JPH3: variants seen among roughly 807,000 people sequenced by gnomAD.
JPH3 encodes the protein junctophilin-3.
In JPH3, 11 loss-of-function variants were observed where a neutral mutation model predicts 59.6. The ratio of observed to expected loss-of-function variants is 0.18; its 90% CI spans 0.12 to 0.31. The LOEUF (loss-of-function observed/expected upper bound fraction) is 0.31. Ranked by LOEUF, JPH3 falls within the 10% of genes least tolerant of loss-of-function variation. JPH3 has a pLI of 1.00. For missense variants in JPH3, 1,202 were observed against 1,105.7 expected (o/e 1.09, Z -1.24); for synonymous variants, 673 against 483.6 (o/e 1.39, Z -5.14).
At chr16:87,677,210 A>ACACACG (rs1479940526) in intron 2 of JPH3, among the ~76,000 whole-genome samples, 2 of 117,530 alleles carry the variant, frequency 1.7e-5, no homozygotes, top group Non-Finnish European at 3.3e-5. Flanking sequence ...ACACACACAC[A>ACACACG]CACACACACA....
chr16:87,666,858 G>A (rs746857512), intron 2 of JPH3, among the ~76,000 whole-genome samples: 4 of 152,252 alleles, frequency 2.6e-5, no homozygotes, highest in Non-Finnish European at 5.9e-5. Context: ...AGGCCTAGCA[G>A]CCTGCCTCGT....
In JPH3 at chr16:87,684,518, G is replaced by A; in HGVS notation, c.1285+252G>A. 6.1e-6 allele frequency: 3 copies of A among 493,624 alleles called. No individual in the cohort carries two copies. The South Asian group carries it at 7.5e-5, about 12-fold the overall frequency. The allele number at this position is 493,624 out of a possible 1,614,324, so 30.6% of individuals were successfully genotyped here. On this transcript the variant is annotated intron_variant, in intron 3 of 4. Coordinates refer to ENST00000284262, the MANE Select transcript of JPH3 (RefSeq NM_020655.4). ...TCCCACAGTCCTTGGGGCACCGCGT[G>A]TTGCTTGCCGGCTGTCCCTGACGGT...
chr16:87,663,316 C>G (rs371013714), intron 2 of JPH3, among the ~76,000 whole-genome samples: 2 of 152,150 alleles, frequency 1.3e-5, no homozygotes, highest in African/African-American at 4.8e-5. Context: ...CCACGTTGGT[C>G]AGGCTGGTCT....
chr16:87,693,046 C>T (rs1174370524), intron 4 of JPH3, among the ~76,000 whole-genome samples: 1 of 152,234 alleles, frequency 6.6e-6, no homozygotes, highest in Non-Finnish European at 1.5e-5. Flanking sequence ...CAGGCTGGCC[C>T]GGCCCAACCA....
intron 4 of JPH3, among the ~76,000 whole-genome samples, chr16:87,696,327 A>AAG (rs1450321402): frequency 6.6e-6 from 1 of 151,960 alleles, no homozygotes; most frequent in Admixed American, 6.6e-5. Flanking sequence ...TCGGGGCCAC[A>AAG]AGGGAATTCC....
At chr16:87,684,783 G>C (rs1223196745) in intron 3 of JPH3, among the ~76,000 whole-genome samples, 1 of 152,168 alleles carries the variant, frequency 6.6e-6, no homozygotes, top group Non-Finnish European at 1.5e-5. Flanking sequence ...CCCTCGGAAA[G>C]AGCTGGAAGC....
chr16:87,654,658 T>A (rs1302545368), intron 2 of JPH3: 2 of 152,246 alleles, frequency 1.3e-5, no homozygotes, highest in Admixed American at 6.5e-5. Context: ...CACCAGAATG[T>A]CCCCAGAGTC....
chr16:87,654,421 G>C (rs2032424657), intron 2 of JPH3: 1 of 152,302 alleles, frequency 6.6e-6, no homozygotes, highest in Admixed American at 6.5e-5. Flanking sequence ...CATTCAGCAG[G>C]CGGTGGGGGA....
At chr16:87,672,138 G>C (rs1399210820) in intron 2 of JPH3, among the ~76,000 whole-genome samples, 1 of 152,122 alleles carries the variant, frequency 6.6e-6, no homozygotes, top group African/African-American at 2.4e-5. Flanking sequence ...TGTGGGGTGA[G>C]GGAGAAGAGT....
At chr16:87,664,132 G>A (rs1356873894) in intron 2 of JPH3, among the ~76,000 whole-genome samples, 1 of 151,380 alleles carries the variant, frequency 6.6e-6, no homozygotes, top group East Asian at 1.9e-4. Flanking sequence ...CAGATTGATA[G>A]CATCCTGGCT....
At chr16:87,691,944 AC>A in intron 4 of JPH3, among the ~76,000 whole-genome samples, 1 of 151,994 alleles carries the variant, frequency 6.6e-6, no homozygotes, top group East Asian at 1.9e-4. Flanking sequence ...ATGCACTGAC[AC>A]TTTTGGGTGC....
chr16:87,687,546 A>G (rs1179911781), intron 3 of JPH3, among the ~76,000 whole-genome samples: 1 of 152,176 alleles, frequency 6.6e-6, no homozygotes, highest in Non-Finnish European at 1.5e-5. Context: ...TGCCCAGGCC[A>G]CTTCCGGTGC....
chr16:87,646,138 GC>G (rs2032142852), intron 2 of JPH3, among the ~76,000 whole-genome samples: 1 of 152,214 alleles, frequency 6.6e-6, no homozygotes. Context: ...TCAGCCAGGG[GC>G]AGACCTGGAG....
rs1039764388 is a variant in JPH3, at chr16:87,611,167, C to G, written c.382+7639C>G. On this transcript the variant is annotated intron_variant, in intron 1 of 4. Transcript: ENST00000284262. This position sits in a 1 kb window ranked among gnomAD's most constrained non-coding sequence, Gnocchi z 4.5. The stretch of plus-strand genomic sequence containing the variant: ...TGCAAGAAATAGGATGTCCTATGTT[C>G]TACCAGGAAGAATAAGGAGTCTGAA... Among the ~76,000 whole-genome samples, 1 of 152,192 alleles carries G rather than the reference C, an allele frequency of 6.6e-6. No individual in the cohort carries two copies. Among genetic ancestry groups the G allele is most frequent in the East Asian group, 1.9e-4 (1 of 5,196 alleles).
chr16:87,644,231 C>G (rs2032054424), intron 1 of JPH3, 27 bp from the exon 2 acceptor site: 2 of 1,580,222 alleles, frequency 1.3e-6, no homozygotes, highest in Non-Finnish European at 1.7e-6. Context: ...TCGCTGGGCA[C>G]TCACCCCTCT....
At chr16:87,664,295 C>T (rs915715707) in intron 2 of JPH3, among the ~76,000 whole-genome samples, 5 of 133,094 alleles carry the variant, frequency 3.8e-5, no homozygotes, top group Admixed American at 1.7e-4. Flanking sequence ...TGCGCCACTG[C>T]ACCTCCAGCC....
chr16:87,619,476 G>T (rs1437621832), intron 1 of JPH3, among the ~76,000 whole-genome samples: 2 of 152,188 alleles, frequency 1.3e-5, no homozygotes, highest in South Asian at 2.1e-4. Flanking sequence ...GATAAACTGC[G>T]CTGGGTGTCT....
Position 87,603,674 on chromosome 16 carries a change from C to T in JPH3, c.382+146C>T. On this transcript the variant is annotated intron_variant, in intron 1 of 4. Coordinates refer to ENST00000284262, the MANE Select transcript of JPH3 (RefSeq NM_020655.4). ...CTTTCCCGGGCTTCCCTGGAAGCCACGGCGGCTCCTGGCTACAGGTTGCCC... is the reference window on the plus strand; with the variant it reads ...CTTTCCCGGGCTTCCCTGGAAGCCATGGCGGCTCCTGGCTACAGGTTGCCC... The T allele has an allele frequency of 3.8e-6, 4 of 1,061,360 alleles. No homozygotes were observed. In the South Asian group the frequency reaches 5.0e-5, roughly 13 times the overall value. 65.7% of individuals were successfully genotyped at this position (1,061,360 alleles called of 1,614,324 possible).
At chr16:87,695,982 C>CT in intron 4 of JPH3, 1 of 456,072 alleles carries the variant, frequency 2.2e-6, no homozygotes. Flanking sequence ...GGACCATAAC[C>CT]TAAATCCAAG....
Sources: gnomAD v4.1 joint callset for allele counts (sites outside exome capture counted in the v4.1 genomes callset) on GRCh38, gnomAD v4.1.1 for gene constraint, Gnocchi (gnomAD v3.1) non-coding constraint, MANE v1.5 for transcripts, NCBI Gene and HGNC (gene_info 2026-07-23, HGNC 2026-07-21) for gene names.